The following SLC16A13 variants were observed in gnomAD, a reference collection of about 807,000 sequenced individuals.
The protein encoded by SLC16A13 is solute carrier family 16 member 13.
SLC16A13 carries 28 observed loss-of-function variants against 28.1 expected under a neutral mutation model. That is an observed-to-expected ratio of 1.00 (90% CI 0.74 to 1.37). The LOEUF is 1.37. Among genes scored for constraint, SLC16A13 ranks in the 40% most tolerant of loss-of-function variants. The pLI is 0.00. For missense variants in SLC16A13, 482 were observed against 531.8 expected (o/e 0.91, Z 0.92); for synonymous variants, 228 against 241.6 (o/e 0.94, Z 0.52).
rs756556716 is a variant in SLC16A13 at position 7,038,568 on chromosome 17, C to G, written c.760C>G (p.Leu254Val). 6 of 1,614,228 alleles carry G rather than the reference C, an allele frequency of 3.7e-6. No individual in the cohort carries two copies. In the Admixed American group the frequency reaches 6.7e-5, roughly 18 times the overall value. The change falls in exon 3 of 4, where the codon CTA (leucine) becomes GTA (valine). Residue 254 changes from leucine to valine, a missense_variant. Physicochemically the swap from Leu to Val is conservative, Grantham distance 32 (BLOSUM62 1). Coordinates refer to ENST00000308027, the MANE Select transcript of SLC16A13 (RefSeq NM_201566.3). This position sits in a 1 kb window ranked among gnomAD's most constrained non-coding sequence, Gnocchi z 5.7. Reference sequence around the variant, plus strand: ...TTGGGACCCACTACCTGCTGCCTTCCTACTCTCAGTTGTTGCTATTTCTGA... The same window carrying G: ...TTGGGACCCACTACCTGCTGCCTTCGTACTCTCAGTTGTTGCTATTTCTGA... ...LDWDPLPAAF[L>V]LSVVAISDLV...
Position 7,038,467 on chromosome 17 carries a change from C to A in SLC16A13, c.659C>A (p.Thr220Asn). The A allele has an allele frequency of 6.2e-7, 1 of 1,614,162 alleles. No individual in the cohort carries two copies. Among genetic ancestry groups the A allele is most frequent in the Non-Finnish European group, 8.5e-7 (1 of 1,180,022 alleles). ...CATCATGGCCCCTTCCTCCGTTACACTGTTGCCCTCACCCTGATCAACACT... is the reference window on the plus strand; with the variant it reads ...CATCATGGCCCCTTCCTCCGTTACAATGTTGCCCTCACCCTGATCAACACT... ...LLHHGPFLRY[T>N]VALTLINTGY... Residue 220 changes from threonine to asparagine, a missense_variant, in exon 3 of 4, where the codon ACT (threonine) becomes AAT (asparagine). Transcript: ENST00000308027. This position sits in a 1 kb window ranked among gnomAD's most constrained non-coding sequence, Gnocchi z 5.7.
In SLC16A13 at chr17:7,039,332, C is replaced by T. The variant is rs1407211307; in HGVS notation, c.1082-431C>T. 1.3e-5 allele frequency among the ~76,000 whole-genome samples: 2 copies of T among 152,032 alleles called. No homozygotes were observed. The highest frequency in any genetic ancestry group is 2.1e-4 in the South Asian group (1 of 4,822). Reference sequence around the variant, plus strand: ...CTTTAGAAAGGCCACAGTTGGTGGGCGCCTGTAGTCCCAGCTACTCAGGAG... The same window carrying T: ...CTTTAGAAAGGCCACAGTTGGTGGGTGCCTGTAGTCCCAGCTACTCAGGAG... On this transcript the variant is annotated intron_variant, in intron 3 of 3. Transcript: ENST00000308027. The surrounding 1 kb of genome is among the most constrained non-coding windows in gnomAD (Gnocchi z 4.3).
In SLC16A13 at chr17:7,039,967, C is replaced by T. The variant is rs1259516154; in HGVS notation, c.*5C>T. ...GAGGGGCTGGAAGAGGACTGAACTC[C>T]ACAGAGTCAGGCCCAGAAAGCCAAA... On this transcript the variant is annotated 3_prime_UTR_variant, in exon 4 of 4. Coordinates refer to ENST00000308027, the MANE Select transcript of SLC16A13 (RefSeq NM_201566.3). The surrounding 1 kb of genome is among the most constrained non-coding windows in gnomAD (Gnocchi z 4.3). 1.8e-5 allele frequency: 29 copies of T among 1,612,118 alleles called. No homozygotes were observed. The highest frequency in any genetic ancestry group is 2.4e-5 in the Non-Finnish European group (28 of 1,179,366).
At chr17:7,036,975 T>C in intron 2 of SLC16A13, 105 bp downstream of exon 2, 1 of 1,366,286 alleles carries the variant, frequency 7.3e-7, no homozygotes, top group Non-Finnish European at 1.0e-6. Context: ...AGGGAAAGTT[T>C]AGCTAGCACC....
At chr17:7,036,994 G>A in intron 2 of SLC16A13, 124 bp downstream of exon 2, 1 of 1,191,456 alleles carries the variant, frequency 8.4e-7, no homozygotes, top group South Asian at 1.5e-5. Context: ...CCTGTACCCA[G>A]AAGGGAATTC....
chr17:7,037,166 A>C (rs1910603733), intron 2 of SLC16A13: 2 of 222,290 alleles, frequency 9.0e-6, no homozygotes, highest in South Asian at 1.1e-4. Context: ...CCTGGCCAAC[A>C]TGGTGAAACC....
At chr17:7,036,674 G>T in intron 1 of SLC16A13, 53 bp from the exon 2 acceptor site, 1 of 1,607,308 alleles carries the variant, frequency 6.2e-7, no homozygotes, top group Non-Finnish European at 8.5e-7. Flanking sequence ...GGCGGGAGAT[G>T]CTGGGGGGGA....
At position 7,039,623 on chromosome 17, in the gene SLC16A13, T is replaced by G. The variant is rs2151669269; in HGVS notation, c.1082-140T>G. ...TGAGGCCCTTTTGGGAAACCAGAGT[T>G]CTTAAGTTTATCCAACTATTCCATG... is the stretch of plus-strand genomic sequence containing the variant. On this transcript the variant is annotated intron_variant, in intron 3 of 3. Coordinates refer to ENST00000308027, the MANE Select transcript of SLC16A13 (RefSeq NM_201566.3). The surrounding 1 kb of genome is among the most constrained non-coding windows in gnomAD (Gnocchi z 4.3). 2.3e-6 allele frequency: 2 copies of G among 881,600 alleles called. No homozygotes were observed. The highest frequency in any genetic ancestry group is 5.1e-5 in the East Asian group (2 of 39,178). The allele number at this position is 881,600 out of a possible 1,614,324, so 54.6% of individuals were successfully genotyped here. A position where few individuals can be genotyped will look rare whatever the true frequency, so the allele number is the denominator to read the frequency against.
chr17:7,036,882 C>G lies in SLC16A13; in HGVS notation c.343+12C>G. 6.2e-7 allele frequency: 1 copy of G among 1,610,478 alleles called. No homozygotes were observed. The highest frequency in any genetic ancestry group is 8.5e-7 in the Non-Finnish European group (1 of 1,179,758). Reference sequence around the variant, plus strand: ...TGGGTTGCTGTCAGGTGAGAGCCTGCACAAGGGCAGGAGAGTCAAATGCTT... The same window carrying G: ...TGGGTTGCTGTCAGGTGAGAGCCTGGACAAGGGCAGGAGAGTCAAATGCTT... On this transcript the variant is annotated intron_variant, in intron 2 of 3. Coordinates refer to ENST00000308027, the MANE Select transcript of SLC16A13 (RefSeq NM_201566.3).
intron 1 of SLC16A13, 37 bp from the exon 2 acceptor site, chr17:7,036,690 C>T (rs1227458418): frequency 6.2e-7 from 1 of 1,608,682 alleles, no homozygotes; most frequent in South Asian, 1.1e-5. Flanking sequence ...GGGGAGACCC[C>T]TGAGATCTTC....
chr17:7,037,532 C>T (rs1910615763), intron 2 of SLC16A13, among the ~76,000 whole-genome samples: 1 of 151,842 alleles, frequency 6.6e-6, no homozygotes, highest in Admixed American at 6.6e-5. Context: ...CAAGACCATC[C>T]TGGCTAACAC....
In SLC16A13 at chr17:7,038,914, G is replaced by T. The variant is rs765199908; in HGVS notation, c.1081+25G>T. The T allele has an allele frequency of 1.3e-6, 2 of 1,579,580 alleles. No homozygotes were observed. Among genetic ancestry groups the T allele is most frequent in the African/African-American group, 2.7e-5 (2 of 73,980 alleles). On this transcript the variant is annotated intron_variant, in intron 3 of 3. Transcript: ENST00000308027. The surrounding 1 kb of genome is among the most constrained non-coding windows in gnomAD (Gnocchi z 5.7). The stretch of plus-strand genomic sequence containing the variant: ...GGTAAGTGGAATGGGGTTCCCAGGG[G>T]GTGAGGGCTGCCATGTTGCACAACT...
Position 7,039,987 on chromosome 17 carries a change from G to A in SLC16A13, c.*25G>A. ...AACTCCACAGAGTCAGGCCCAGAAA[G>A]CCAAAGCTTGACAGCTCCAGGTCTT... On this transcript the variant is annotated 3_prime_UTR_variant, in exon 4 of 4. Coordinates refer to ENST00000308027, the MANE Select transcript of SLC16A13 (RefSeq NM_201566.3). This position sits in a 1 kb window ranked among gnomAD's most constrained non-coding sequence, Gnocchi z 4.3. 6.2e-7 allele frequency: 1 copy of A among 1,603,574 alleles called. No homozygotes were observed. The highest frequency in any genetic ancestry group is 8.5e-7 in the Non-Finnish European group (1 of 1,174,134).
In SLC16A13 at chr17:7,036,132, C is replaced by T; in HGVS notation, c.-251C>T. On this transcript the variant is annotated 5_prime_UTR_variant, in exon 1 of 4. Coordinates refer to ENST00000308027, the MANE Select transcript of SLC16A13 (RefSeq NM_201566.3). ...CGGCTTGAACTAGCTCAGCTCCGAG[C>T]TCGCGGAACCACGCCCCCGGGAGAC... is the stretch of plus-strand genomic sequence containing the variant. 3 of 457,532 alleles carry T rather than the reference C, an allele frequency of 6.6e-6. No individual in the cohort carries two copies. The South Asian group carries it at 1.1e-4, about 17-fold the overall frequency. 28.3% of individuals were successfully genotyped at this position (457,532 alleles called of 1,614,324 possible).
In SLC16A13 at chr17:7,037,434, A is replaced by G. The variant is rs1307081782; in HGVS notation, c.343+564A>G. On this transcript the variant is annotated intron_variant, in intron 2 of 3. Transcript: ENST00000308027. ...GTGTAAAAGGAAGAATTACTATAAA[A>G]TGGTGCTAGGGGCCAGGCACGGTGG... 2.6e-5 allele frequency among the ~76,000 whole-genome samples: 3 copies of G among 114,144 alleles called. 1 individual carries two copies. Among genetic ancestry groups the G allele is most frequent in the Non-Finnish European group, 4.0e-5 (2 of 50,220 alleles). 74.9% of individuals were successfully genotyped at this position (114,144 alleles called of 152,430 possible).
chr17:7,038,299 G>A lies in SLC16A13; in HGVS notation c.491G>A (p.Ser164Asn), dbSNP rs753511248. The A allele has an allele frequency of 5.3e-5, 85 of 1,613,960 alleles. No homozygotes were observed. The highest frequency in any genetic ancestry group is 5.3e-5 in the Non-Finnish European group (62 of 1,180,018). ...GCCCCCTTTTTCCAGTGGCTGCTCA[G>A]CCACTACGCCTGGAGGGGGTCCCTG... ...TFAPFFQWLL[S>N]HYAWRGSLLL... The change falls in exon 3 of 4, where the codon AGC (serine) becomes AAC (asparagine). Residue 164 changes from serine to asparagine, a missense_variant. Coordinates refer to ENST00000308027, the MANE Select transcript of SLC16A13 (RefSeq NM_201566.3). This position sits in a 1 kb window ranked among gnomAD's most constrained non-coding sequence, Gnocchi z 5.7.
Position 7,038,135 on chromosome 17 carries a change from T to C in SLC16A13, c.344-17T>C. On this transcript the variant is annotated splice_polypyrimidine_tract_variant and intron_variant, in intron 2 of 3. Transcript: ENST00000308027. This position sits in a 1 kb window ranked among gnomAD's most constrained non-coding sequence, Gnocchi z 5.7. ...GCTCCCTAAGAGTTCTCAACACCAC[T>C]TCTTCCTTTTTGACAGGCTCTGGCT... The C allele has an allele frequency of 6.2e-7, 1 of 1,602,416 alleles. No individual in the cohort carries two copies. The highest frequency in any genetic ancestry group is 8.5e-7 in the Non-Finnish European group (1 of 1,174,126).
rs1910576619 is a variant in SLC16A13, at chr17:7,036,294, C to T, written c.-89C>T. On this transcript the variant is annotated 5_prime_UTR_variant, in exon 1 of 4. Transcript: ENST00000308027. The stretch of plus-strand genomic sequence containing the variant: ...CAACCCCTCTCGGCCCCGAGCCACC[C>T]GGCAGCGGGGGTGGGTGTGCAGAGG... 20 of 1,385,420 alleles carry T rather than the reference C, an allele frequency of 1.4e-5. No individual in the cohort carries two copies. Among genetic ancestry groups the T allele is most frequent in the Middle Eastern group, 2.7e-4 (1 of 3,732 alleles). 85.8% of individuals were successfully genotyped at this position (1,385,420 alleles called of 1,614,324 possible). A position where few individuals can be genotyped will look rare whatever the true frequency, so the allele number is the denominator to read the frequency against.
At position 7,038,931 on chromosome 17, in the gene SLC16A13, T is replaced by G; in HGVS notation, c.1081+42T>G. ...TCCCAGGGGGTGAGGGCTGCCATGTTGCACAACTAGGGGAGGGTACTATTC... is the reference window on the plus strand; with the variant it reads ...TCCCAGGGGGTGAGGGCTGCCATGTGGCACAACTAGGGGAGGGTACTATTC... On this transcript the variant is annotated intron_variant, in intron 3 of 3. Coordinates refer to ENST00000308027, the MANE Select transcript of SLC16A13 (RefSeq NM_201566.3). The surrounding 1 kb of genome is among the most constrained non-coding windows in gnomAD (Gnocchi z 5.7). The G allele has an allele frequency of 6.4e-7, 1 of 1,565,660 alleles. No homozygotes were observed. Among genetic ancestry groups the G allele is most frequent in the Non-Finnish European group, 8.6e-7 (1 of 1,158,328 alleles).
Sources: allele counts gnomAD v4.1 joint callset (sites outside exome capture counted in the v4.1 genomes callset), GRCh38; gene constraint gnomAD v4.1.1; non-coding constraint Gnocchi (gnomAD v3.1); transcripts MANE v1.5; gene names NCBI Gene and HGNC (gene_info 2026-07-23, HGNC 2026-07-21).